Variants in DTNA observed in about 807,000 individuals in gnomAD.
DTNA encodes the protein dystrobrevin alpha, also known as dystrophin-related protein 3.
A neutral mutation model predicts 100.7 loss-of-function variants in DTNA; 43 were observed. The ratio of observed to expected loss-of-function variants is 0.43; its 90% CI spans 0.33 to 0.55. The LOEUF (loss-of-function observed/expected upper bound fraction) is 0.55, where lower values mean the gene tolerates loss of function less well. Among genes scored for constraint, DTNA ranks in the 20% least tolerant of loss-of-function variants. The pLI is 0.04. For synonymous variants in DTNA, 349 were observed against 347.9 expected (o/e 1.00, Z -0.04); for missense variants, 798 against 953.9 (o/e 0.84, Z 2.15).
At chr18:34,700,741 G>T (rs748990816) in intron 1 of DTNA, among the ~76,000 whole-genome samples, 14 of 152,172 alleles carry the variant, frequency 9.2e-5, no homozygotes, top group Non-Finnish European at 2.1e-4. Context: ...TCTATAGTCA[G>T]CTCACACTCC....
intron 22 of DTNA, among the ~76,000 whole-genome samples, chr18:34,884,978 G>A (rs994759062): frequency 2.4e-4 from 36 of 152,084 alleles, no homozygotes; most frequent in Admixed American, 1.3e-3. Context: ...ACATCCTTGG[G>A]AGGTGACTTC....
chr18:34,593,648 G>C (rs988596963), intron 1 of DTNA: 4 of 152,126 alleles, frequency 2.6e-5, no homozygotes, highest in East Asian at 3.9e-4. Flanking sequence ...CAGTGTTGTA[G>C]CTTGCTTACC....
intron 1 of DTNA, among the ~76,000 whole-genome samples, chr18:34,577,422 A>G (rs1468694598): frequency 6.6e-6 from 1 of 152,196 alleles, no homozygotes; most frequent in Non-Finnish European, 1.5e-5. Flanking sequence ...TGATAATGGA[A>G]TATTGAGTCC....
At chr18:34,722,273 AACT>A (rs1302270391) in intron 1 of DTNA, among the ~76,000 whole-genome samples, 1 of 152,176 alleles carries the variant, frequency 6.6e-6, no homozygotes, top group Non-Finnish European at 1.5e-5. Flanking sequence ...AATTAAGTTG[AACT>A]ATAATTTAAA....
At chr18:34,576,088 A>G (rs1433406585) in intron 1 of DTNA, among the ~76,000 whole-genome samples, 1 of 152,188 alleles carries the variant, frequency 6.6e-6, no homozygotes, top group Non-Finnish European at 1.5e-5. Context: ...ACCCAATGAG[A>G]GCTGTCCATA....
chr18:34,869,688 G>T (rs1568857845), intron 17 of DTNA, among the ~76,000 whole-genome samples: 1 of 150,582 alleles, frequency 6.6e-6, no homozygotes, highest in Non-Finnish European at 1.5e-5. Context: ...ACATTTTTGT[G>T]TGAGAGAGGT....
intron 1 of DTNA, among the ~76,000 whole-genome samples, chr18:34,621,407 G>A (rs927225916): frequency 6.6e-6 from 1 of 151,974 alleles, no homozygotes; most frequent in Non-Finnish European, 1.5e-5. Context: ...ATTCACAAAA[G>A]TCAAGATATG....
intron 1 of DTNA, among the ~76,000 whole-genome samples, chr18:34,735,667 C>T (rs1362060402): frequency 3.3e-5 from 5 of 152,106 alleles, no homozygotes; most frequent in Non-Finnish European, 7.4e-5. Context: ...AGGCAGCTTT[C>T]CCTGGACCTA....
At chr18:34,545,902 A>G (rs8092885) in intron 1 of DTNA, among the ~76,000 whole-genome samples, 3 of 152,052 alleles carry the variant, frequency 2.0e-5, no homozygotes, top group Non-Finnish European at 2.9e-5. Flanking sequence ...TTCTGTGTCA[A>G]CACTTTCTGA....
intron 1 of DTNA, among the ~76,000 whole-genome samples, chr18:34,724,747 G>T (rs1479206062): frequency 1.3e-5 from 2 of 152,116 alleles, no homozygotes; most frequent in Non-Finnish European, 2.9e-5. Flanking sequence ...AACATTGGAG[G>T]TCACATTTCA....
chr18:34,695,645 C>T (rs2080426766), intron 1 of DTNA, among the ~76,000 whole-genome samples: 1 of 152,202 alleles, frequency 6.6e-6, no homozygotes, highest in South Asian at 2.1e-4. Context: ...GTAGCTTTCT[C>T]AGAAGTAGCT....
At chr18:34,657,778 G>A (rs2144336061) in intron 1 of DTNA, among the ~76,000 whole-genome samples, 1 of 152,206 alleles carries the variant, frequency 6.6e-6, no homozygotes, top group Non-Finnish European at 1.5e-5. Context: ...TGGGAAGGAG[G>A]GGAGACATCA....
At chr18:34,550,519 A>T (rs1246685007) in intron 1 of DTNA, among the ~76,000 whole-genome samples, 1 of 152,170 alleles carries the variant, frequency 6.6e-6, no homozygotes, top group African/African-American at 2.4e-5. Flanking sequence ...ATTTTTTAAT[A>T]CATTTTCCAA....
intron 17 of DTNA, among the ~76,000 whole-genome samples, chr18:34,864,989 A>C (rs1041759900): frequency 2.0e-5 from 3 of 152,226 alleles, no homozygotes; most frequent in Admixed American, 6.5e-5. Context: ...AAAAGCAGGC[A>C]AATTATGGCC....
intron 1 of DTNA, among the ~76,000 whole-genome samples, chr18:34,704,158 C>CGA (rs2081804844): frequency 1.3e-5 from 2 of 152,172 alleles, no homozygotes; most frequent in African/African-American, 4.8e-5. Flanking sequence ...CCAGTTCTCT[C>CGA]CATCCCATTA....
At chr18:34,646,036 C>G (rs1019781094) in intron 1 of DTNA, among the ~76,000 whole-genome samples, 4 of 152,130 alleles carry the variant, frequency 2.6e-5, no homozygotes, top group African/African-American at 9.7e-5. Context: ...TGCATATGTA[C>G]TCTCTTAGCT....
At chr18:34,758,064 A>G (rs912376362) in intron 2 of DTNA, among the ~76,000 whole-genome samples, 2 of 152,248 alleles carry the variant, frequency 1.3e-5, no homozygotes, top group Non-Finnish European at 2.9e-5. Context: ...TGATTTTGAC[A>G]GGTAGACTGT....
chr18:34,523,887 G>A (rs1021242614), intron 1 of DTNA, among the ~76,000 whole-genome samples: 3 of 152,102 alleles, frequency 2.0e-5, no homozygotes, highest in Non-Finnish European at 2.9e-5. Context: ...ATCTGGCAAT[G>A]GAGACTTAAG....
At chr18:34,620,385 GAATACACAGAA>G (rs1457610696) in intron 1 of DTNA, among the ~76,000 whole-genome samples, 1 of 152,134 alleles carries the variant, frequency 6.6e-6, no homozygotes, top group Admixed American at 6.5e-5. Flanking sequence ...TGGATAATTT[GAATACACAGAA>G]AATAGAAGAT....
Sources: gnomAD v4.1 joint callset for allele counts (sites outside exome capture counted in the v4.1 genomes callset) on GRCh38, gnomAD v4.1.1 for gene constraint, MANE v1.5 for transcripts, NCBI Gene and HGNC (gene_info 2026-07-23, HGNC 2026-07-21) for gene names.